TAFA4: variants seen among roughly 807,000 people sequenced by gnomAD.
TAFA4 encodes the protein TAFA chemokine like family member 4, also known as chemokine-like protein TAFA-4.
Under a neutral mutation model 21.1 loss-of-function variants are expected in TAFA4, and 20 were observed. The ratio of observed to expected loss-of-function variants is 0.95; its 90% CI spans 0.67 to 1.38. TAFA4 has a LOEUF of 1.38. TAFA4 is among the 40% of genes most tolerant of loss of function. TAFA4 has a pLI of 0.00. For synonymous variants in TAFA4, 71 were observed against 67.4 expected (o/e 1.05, Z -0.26); for missense variants, 211 against 180.9 (o/e 1.17, Z -0.95).
intron 3 of TAFA4, among the ~76,000 whole-genome samples, chr3:68,814,659 A>G (rs1559530491): frequency 6.6e-6 from 1 of 152,214 alleles, no homozygotes. Context: ...CAATGAAATA[A>G]AAGAGGATAC....
At chr3:68,751,830 A>C (rs1702560526) in intron 4 of TAFA4, among the ~76,000 whole-genome samples, 1 of 152,212 alleles carries the variant, frequency 6.6e-6, no homozygotes, top group South Asian at 2.1e-4. Flanking sequence ...TGGTATATTT[A>C]CTATGTTACC....
At chr3:68,781,659 T>G (rs1405491262) in intron 3 of TAFA4, among the ~76,000 whole-genome samples, 1 of 152,142 alleles carries the variant, frequency 6.6e-6, no homozygotes, top group African/African-American at 2.4e-5. Flanking sequence ...TCTAAAGACT[T>G]CATTGCTGAA....
intron 3 of TAFA4, among the ~76,000 whole-genome samples, chr3:68,787,841 C>G (rs116572826): frequency 0.045 from 6,840 of 152,264 alleles, 218 homozygotes; most frequent in Non-Finnish European, 0.063. Context: ...AGCTTCTAGA[C>G]GAGCACTCAA....
chr3:68,846,840 C>T (rs1175834398), intron 3 of TAFA4, among the ~76,000 whole-genome samples: 3 of 152,154 alleles, frequency 2.0e-5, no homozygotes, highest in Non-Finnish European at 4.4e-5. Flanking sequence ...CTGGGTATCA[C>T]CAGTGGAGGC....
At chr3:68,823,986 G>A (rs1174083830) in intron 3 of TAFA4, among the ~76,000 whole-genome samples, 1 of 152,026 alleles carries the variant, frequency 6.6e-6, no homozygotes, top group East Asian at 1.9e-4. Flanking sequence ...ACATAATTAT[G>A]AGAAGGGTCC....
intron 1 of TAFA4, among the ~76,000 whole-genome samples, chr3:68,918,712 G>A (rs2090028951): frequency 1.3e-5 from 2 of 152,030 alleles, no homozygotes; most frequent in African/African-American, 4.8e-5. Flanking sequence ...CTTAATTTTT[G>A]TATTTTTTTG....
At chr3:68,912,809 G>C (rs1191145870) in intron 1 of TAFA4, among the ~76,000 whole-genome samples, 2 of 152,160 alleles carry the variant, frequency 1.3e-5, no homozygotes, top group African/African-American at 4.8e-5. Context: ...AAAACCACTG[G>C]AGAGCAACAA....
intron 2 of TAFA4, 32 bp downstream of exon 2, chr3:68,885,143 T>A: frequency 6.2e-7 from 1 of 1,608,664 alleles, no homozygotes; most frequent in Non-Finnish European, 8.5e-7. Context: ...TGTAAAGATA[T>A]CATGTCCAGG....
intron 4 of TAFA4, among the ~76,000 whole-genome samples, chr3:68,748,936 TTATCTCTA>T (rs1273834530): frequency 1.3e-5 from 2 of 152,210 alleles, no homozygotes; most frequent in African/African-American, 4.8e-5. Flanking sequence ...CCATTCAGCA[TTATCTCTA>T]TAGAGCAGTA....
At chr3:68,915,689 G>A (rs1051863671) in intron 1 of TAFA4, among the ~76,000 whole-genome samples, 6 of 152,102 alleles carry the variant, frequency 3.9e-5, no homozygotes, top group Admixed American at 1.3e-4. Context: ...AGAACAGGGA[G>A]GTGACTTTAT....
intron 2 of TAFA4, among the ~76,000 whole-genome samples, chr3:68,884,096 TAAAC>T (rs1333089904): frequency 1.3e-5 from 2 of 152,232 alleles, no homozygotes; most frequent in African/African-American, 4.8e-5. Context: ...AAAATGAAAA[TAAAC>T]AAGTTTATTA....
At position 68,885,211 on chromosome 3, in the gene TAFA4, C is replaced by T. The variant is rs868602633; in HGVS notation, c.-23G>A. The T allele has an allele frequency of 6.2e-7, 1 of 1,610,824 alleles. No individual in the cohort carries two copies. Among genetic ancestry groups the T allele is most frequent in the Middle Eastern group, 1.7e-4 (1 of 6,052 alleles). ...CATAAGATGTGGTTCTAGTCAAACA[C>T]ACTTATTCCAGGATATATTTCAGAG... On this transcript the variant is annotated 5_prime_UTR_variant, in exon 2 of 6. In the 5' UTR this introduces an upstream ATG that the reference lacks. Coordinates refer to ENST00000295569, the MANE Select transcript of TAFA4 (RefSeq NM_182522.5).
intron 1 of TAFA4, among the ~76,000 whole-genome samples, chr3:68,891,824 A>G (rs2089733551): frequency 6.6e-6 from 1 of 152,212 alleles, no homozygotes; most frequent in African/African-American, 2.4e-5. Context: ...AAAACCATTC[A>G]TCATTTCTCT....
chr3:68,801,415 C>G (rs1703576526), intron 3 of TAFA4, among the ~76,000 whole-genome samples: 1 of 152,198 alleles, frequency 6.6e-6, no homozygotes, highest in Admixed American at 6.5e-5. Context: ...ACCCAAATCT[C>G]TTTTCCACCA....
intron 1 of TAFA4, among the ~76,000 whole-genome samples, chr3:68,920,927 G>A (rs1478437784): frequency 2.0e-5 from 3 of 152,180 alleles, no homozygotes; most frequent in Non-Finnish European, 4.4e-5. Flanking sequence ...TTCCATAGAA[G>A]CCATCTCCAG....
intron 1 of TAFA4, among the ~76,000 whole-genome samples, chr3:68,929,269 A>C (rs184033758): frequency 6.6e-6 from 1 of 152,232 alleles, no homozygotes; most frequent in African/African-American, 2.4e-5. Flanking sequence ...TTCAGAAATA[A>C]CATTTTCAAA....
intron 1 of TAFA4, among the ~76,000 whole-genome samples, chr3:68,926,524 G>A (rs1163151203): frequency 2.0e-5 from 3 of 152,198 alleles, no homozygotes; most frequent in Admixed American, 6.5e-5. Flanking sequence ...AAGAGCTGCG[G>A]ACATTGGATA....
chr3:68,762,022 A>T (rs1702763574), intron 3 of TAFA4, among the ~76,000 whole-genome samples: 1 of 152,056 alleles, frequency 6.6e-6, no homozygotes. Flanking sequence ...CCAGATATTT[A>T]AGTCTGGAGT....
In TAFA4 at chr3:68,731,942, A is replaced by G. The variant is rs946100749; in HGVS notation, c.*1200T>C. The G allele has an allele frequency of 6.6e-6, 1 of 152,204 alleles. No individual in the cohort carries two copies. Among genetic ancestry groups the G allele is most frequent in the African/African-American group, 2.4e-5 (1 of 41,448 alleles). The allele number at this position is 152,204 out of a possible 1,614,324, so 9.4% of individuals were successfully genotyped here. ...TTTCCCCCTATAAATGTGAAAGGAC[A>G]GGGATAATTAACTTGGTGCAGAAAC... On this transcript the variant is annotated 3_prime_UTR_variant, in exon 6 of 6. Coordinates refer to ENST00000295569, the MANE Select transcript of TAFA4 (RefSeq NM_182522.5).
Sources: allele counts gnomAD v4.1 joint callset (sites outside exome capture counted in the v4.1 genomes callset), GRCh38; gene constraint gnomAD v4.1.1; transcripts MANE v1.5; gene names NCBI Gene and HGNC (gene_info 2026-07-23, HGNC 2026-07-21).